FRZB: variants seen among roughly 807,000 people sequenced by gnomAD.
The protein encoded by FRZB is frizzled related protein, also known as secreted frizzled-related protein 3.
A neutral mutation model predicts 32.5 loss-of-function variants in FRZB; 34 were observed. The ratio of observed to expected loss-of-function variants is 1.05; its 90% confidence interval spans 0.80 to 1.39. The LOEUF is 1.39. FRZB is among the 40% of genes most tolerant of loss of function. FRZB has a pLI of 0.00. For missense variants in FRZB, 423 were observed against 424.8 expected (o/e 1.00, Z 0.04); for synonymous variants, 170 against 159.2 (o/e 1.07, Z -0.51).
At chr2:182,839,039 A>C (rs1248369022) in intron 3 of FRZB, among the ~76,000 whole-genome samples, 2 of 152,130 alleles carry the variant, frequency 1.3e-5, no homozygotes, top group African/African-American at 4.8e-5. Context: ...AAGACCTAAT[A>C]CTTAAATATG....
Position 182,840,467 on chromosome 2 carries a change from C to G in FRZB, c.593-1854G>C, listed in dbSNP as rs111391673. Among the ~76,000 whole-genome samples the G allele has an allele frequency of 3.3e-3, 509 of 152,182 alleles. 5 individuals are homozygous for G. The highest frequency in any genetic ancestry group is 0.012 in the African/African-American group (487 of 41,542). ...TTTCTACAAGACCTACTTTTTCACTCAAGTAATTTGGTTAACACTTAAGGA... is the reference window on the plus strand; with the variant it reads ...TTTCTACAAGACCTACTTTTTCACTGAAGTAATTTGGTTAACACTTAAGGA... On this transcript the variant is annotated intron_variant, in intron 3 of 5. Transcript: ENST00000295113.
intron 2 of FRZB, among the ~76,000 whole-genome samples, chr2:182,843,122 T>G (rs1386691614): frequency 6.6e-6 from 1 of 152,172 alleles, no homozygotes. Context: ...TTCAACTCAA[T>G]GGTATTTTTG....
At chr2:182,853,521 G>A (rs543951917) in intron 2 of FRZB, among the ~76,000 whole-genome samples, 2 of 152,268 alleles carry the variant, frequency 1.3e-5, no homozygotes, top group South Asian at 4.2e-4. Context: ...CTGATTTCAT[G>A]ATATTGAAAA....
At chr2:182,864,117 T>C (rs1017483438) in intron 1 of FRZB, among the ~76,000 whole-genome samples, 5 of 152,236 alleles carry the variant, frequency 3.3e-5, no homozygotes, top group African/African-American at 9.6e-5. Flanking sequence ...CATGTCCTAT[T>C]TGAGTGCTTC....
intron 3 of FRZB, among the ~76,000 whole-genome samples, chr2:182,840,107 T>C (rs1695571397): frequency 6.6e-6 from 1 of 152,148 alleles, no homozygotes; most frequent in African/African-American, 2.4e-5. Context: ...TATGAGAACG[T>C]GTAGCAAACA....
intron 3 of FRZB, among the ~76,000 whole-genome samples, chr2:182,840,114 A>C (rs534818914): frequency 6.6e-6 from 1 of 152,094 alleles, no homozygotes; most frequent in Non-Finnish European, 1.5e-5. Flanking sequence ...ACGTGTAGCA[A>C]ACAAACTGTA....
intron 1 of FRZB, among the ~76,000 whole-genome samples, chr2:182,864,529 C>T (rs967495943): frequency 3.3e-5 from 5 of 152,198 alleles, no homozygotes; most frequent in Non-Finnish European, 7.3e-5. Flanking sequence ...TTTTGCACAA[C>T]TAGCTTTTGG....
At chr2:182,841,311 T>C (rs914219639) in intron 3 of FRZB, among the ~76,000 whole-genome samples, 1 of 152,172 alleles carries the variant, frequency 6.6e-6, no homozygotes, top group Non-Finnish European at 1.5e-5. Context: ...TTTATATTTT[T>C]TAATACACTG....
chr2:182,848,385 T>C (rs1320524856), intron 2 of FRZB, among the ~76,000 whole-genome samples: 1 of 152,196 alleles, frequency 6.6e-6, no homozygotes, highest in Non-Finnish European at 1.5e-5. Context: ...ATGGGCAATA[T>C]ACCACTTGGC....
chr2:182,851,767 T>G (rs1288738080), intron 2 of FRZB, among the ~76,000 whole-genome samples: 1 of 152,142 alleles, frequency 6.6e-6, no homozygotes, highest in Non-Finnish European at 1.5e-5. Context: ...GAGGGAAATG[T>G]GGTCCTAGAG....
intron 5 of FRZB, among the ~76,000 whole-genome samples, chr2:182,835,975 A>C (rs1467394788): frequency 6.6e-6 from 1 of 152,160 alleles, no homozygotes; most frequent in Non-Finnish European, 1.5e-5. Context: ...TCTACTTATA[A>C]GTAGATACAT....
chr2:182,860,039 T>C (rs1695814070), intron 1 of FRZB, among the ~76,000 whole-genome samples: 1 of 152,224 alleles, frequency 6.6e-6, no homozygotes, highest in African/African-American at 2.4e-5. Context: ...AGAAATTATA[T>C]TGGCCCATAT....
intron 2 of FRZB, among the ~76,000 whole-genome samples, chr2:182,846,462 T>C (rs927714022): frequency 2.0e-5 from 3 of 152,186 alleles, no homozygotes; most frequent in African/African-American, 7.2e-5. Flanking sequence ...CTCAGATCTG[T>C]GCTTAGGATT....
chr2:182,841,363 A>T (rs1695584406), intron 3 of FRZB, among the ~76,000 whole-genome samples: 1 of 152,168 alleles, frequency 6.6e-6, no homozygotes, highest in Non-Finnish European at 1.5e-5. Context: ...AGTCTTATTC[A>T]TTTCTCTCCT....
rs541296815 is a variant in FRZB at position 182,850,128 on chromosome 2, CAT to C, written c.527-7587_527-7586del. ...TTTTTATTAATACATAATAGATGGA[CAT>C]ATTTTCAGAGTACATTGATATTTTC... On this transcript the variant is annotated intron_variant, in intron 2 of 5. Coordinates refer to ENST00000295113, the MANE Select transcript of FRZB (RefSeq NM_001463.4). 8.0e-4 allele frequency among the ~76,000 whole-genome samples: 122 copies of C among 152,234 alleles called. 2 individuals carry two copies. The South Asian group carries it at 0.025, about 31-fold the overall frequency.
chr2:182,860,128 T>C (rs1173644573), intron 1 of FRZB, among the ~76,000 whole-genome samples: 1 of 152,174 alleles, frequency 6.6e-6, no homozygotes, highest in Non-Finnish European at 1.5e-5. Flanking sequence ...CACTTCAAAA[T>C]AGCTAAGCCA....
At chr2:182,852,172 C>A (rs430350) in intron 2 of FRZB, among the ~76,000 whole-genome samples, 99,991 of 151,970 alleles carry the variant, frequency 0.66, 33,387 homozygotes, top group African/African-American at 0.7. Context: ...AGTAAGCCAG[C>A]AGGGAGGAAA....
intron 2 of FRZB, among the ~76,000 whole-genome samples, chr2:182,849,788 A>G (rs747238506): frequency 6.6e-6 from 1 of 152,244 alleles, no homozygotes; most frequent in African/African-American, 2.4e-5. Context: ...TTGTCTTTGG[A>G]AAATTTCAAA....
intron 2 of FRZB, among the ~76,000 whole-genome samples, chr2:182,857,320 A>C (rs957622225): frequency 6.6e-6 from 1 of 152,160 alleles, no homozygotes; most frequent in African/African-American, 2.4e-5. Context: ...GCATTACATT[A>C]TATTAGAAGA....
Sources: gnomAD v4.1 joint callset for allele counts (sites outside exome capture counted in the v4.1 genomes callset) on GRCh38, gnomAD v4.1.1 for gene constraint, MANE v1.5 for transcripts, NCBI Gene and HGNC (gene_info 2026-07-23, HGNC 2026-07-21) for gene names.